The following DLG1 variants were observed in gnomAD, a reference collection of about 807,000 sequenced individuals.
DLG1 encodes discs large MAGUK scaffold protein 1.
A neutral mutation model predicts 123.4 loss-of-function variants in DLG1; 42 were observed. The observed-to-expected ratio is 0.34, with a 90% confidence interval of 0.27 to 0.44. DLG1 has a LOEUF of 0.44. DLG1 is among the 20% of genes least tolerant of loss of function. The pLI, the probability that DLG1 is intolerant of heterozygous loss-of-function variation, is 1.00. For missense variants in DLG1, 942 were observed against 1,082.6 expected (o/e 0.87, Z 1.82); for synonymous variants, 317 against 356.2 (o/e 0.89, Z 1.24).
chr3:197,262,678 A>G (rs1295674153), intron 4 of DLG1, among the ~76,000 whole-genome samples: 1 of 152,198 alleles, frequency 6.6e-6, no homozygotes, highest in African/African-American at 2.4e-5. Flanking sequence ...AGACACTGCC[A>G]GAACTGTATT....
intron 2 of DLG1, 42 bp from the exon 3 acceptor site, chr3:197,296,519 C>T: frequency 6.3e-7 from 1 of 1,589,874 alleles, no homozygotes; most frequent in Non-Finnish European, 8.6e-7. Context: ...TCTCTATTTA[C>T]AAAAAAAGTA....
chr3:197,217,107 A>G (rs1188127148), intron 4 of DLG1, among the ~76,000 whole-genome samples: 2 of 152,246 alleles, frequency 1.3e-5, no homozygotes, highest in South Asian at 2.1e-4. Context: ...GGACTTAATC[A>G]TGCAATTTTT....
At chr3:197,256,252 A>G (rs1756839779) in intron 4 of DLG1, among the ~76,000 whole-genome samples, 1 of 152,270 alleles carries the variant, frequency 6.6e-6, no homozygotes, top group Non-Finnish European at 1.5e-5. Flanking sequence ...TTTGCAGGCC[A>G]TATGCTCACT....
rs200692787 is a variant in DLG1 at position 197,210,245 on chromosome 3, TA to T, written c.319-15657del. 1.8e-3 allele frequency among the ~76,000 whole-genome samples: 187 copies of T among 105,688 alleles called. 7 individuals carry two copies. Among genetic ancestry groups the T allele is most frequent in the South Asian group, 7.6e-3 (21 of 2,764 alleles). The allele number at this position is 105,688 out of a possible 152,430, so 69.3% of individuals were successfully genotyped here. A position where few individuals can be genotyped will look rare whatever the true frequency, so the allele number is the denominator to read the frequency against. ...CCTAAGGATCCACCTTGAGAAGCTA[TA>T]AAAAAAAAAAAAGACTAAGTAAAGT... On this transcript the variant is annotated intron_variant, in intron 4 of 24. Coordinates refer to ENST00000667157, the MANE Select transcript of DLG1 (RefSeq NM_001366207.1).
intron 5 of DLG1, among the ~76,000 whole-genome samples, chr3:197,163,921 T>C (rs765390498): frequency 1.1e-4 from 16 of 152,064 alleles, no homozygotes; most frequent in Non-Finnish European, 1.9e-4. Context: ...AAAGGATAAA[T>C]ATTGCATGAT....
At chr3:197,073,042 C>T (rs1404128681) in intron 18 of DLG1, among the ~76,000 whole-genome samples, 2 of 152,156 alleles carry the variant, frequency 1.3e-5, no homozygotes, top group Admixed American at 1.3e-4. Flanking sequence ...TCTCTCTAAC[C>T]AAGTTTTATC....
intron 4 of DLG1, among the ~76,000 whole-genome samples, chr3:197,195,292 T>TA (rs1412487490): frequency 0.023 from 3,266 of 143,276 alleles, 88 homozygotes; most frequent in African/African-American, 0.066. Context: ...ATCAATGATT[T>TA]AAAAAAAAAA....
intron 4 of DLG1, among the ~76,000 whole-genome samples, chr3:197,254,643 G>A (rs540548982): frequency 6.6e-6 from 1 of 152,072 alleles, no homozygotes; most frequent in East Asian, 1.9e-4. Flanking sequence ...TAAATACACA[G>A]GAAAAGATGT....
chr3:197,159,531 A>T (rs926845047), intron 5 of DLG1, among the ~76,000 whole-genome samples: 2 of 152,200 alleles, frequency 1.3e-5, no homozygotes, highest in African/African-American at 4.8e-5. Context: ...TTTCTAATAC[A>T]TCCTAACGCA....
intron 5 of DLG1, among the ~76,000 whole-genome samples, chr3:197,175,622 C>T (rs1054484669): frequency 4.4e-4 from 67 of 152,310 alleles, no homozygotes; most frequent in African/African-American, 1.6e-3. Context: ...TAAAAATTAA[C>T]ACCTGTATAA....
chr3:197,094,121 TAAGAC>T (rs762425807), intron 14 of DLG1, among the ~76,000 whole-genome samples: 2 of 152,116 alleles, frequency 1.3e-5, no homozygotes, highest in African/African-American at 2.4e-5. Context: ...CACCAACACA[TAAGAC>T]AAGGAGAGCA....
chr3:197,152,440 T>A (rs1195774237), intron 5 of DLG1, among the ~76,000 whole-genome samples: 1 of 147,162 alleles, frequency 6.8e-6, no homozygotes, highest in Non-Finnish European at 1.5e-5. Flanking sequence ...TTTTTTTTTT[T>A]GAGATGGAGT....
intron 24 of DLG1, 57 bp downstream of exon 24, chr3:197,051,520 A>G: frequency 7.0e-7 from 1 of 1,423,780 alleles, no homozygotes. Context: ...GGGTCGGTTC[A>G]CATGGCTTCA....
At chr3:197,228,942 CGTTCAATGCT>C (rs1288951862) in intron 4 of DLG1, among the ~76,000 whole-genome samples, 12 of 152,052 alleles carry the variant, frequency 7.9e-5, no homozygotes, top group Non-Finnish European at 1.6e-4. Flanking sequence ...ATTGGTAGTA[CGTTCAATGCT>C]GTATAGAGAC....
intron 4 of DLG1, among the ~76,000 whole-genome samples, chr3:197,245,010 C>T (rs926821130): frequency 6.6e-6 from 1 of 152,154 alleles, no homozygotes; most frequent in Non-Finnish European, 1.5e-5. Flanking sequence ...GATAAGCCAA[C>T]TTCTTTCTGA....
chr3:197,172,577 G>T (rs1362694406), intron 5 of DLG1, among the ~76,000 whole-genome samples: 1 of 152,074 alleles, frequency 6.6e-6, no homozygotes, highest in African/African-American at 2.4e-5. Flanking sequence ...ACTGTCAAAA[G>T]AAATCAACTT....
In DLG1 at chr3:197,158,498, G is replaced by A. The variant is rs969192353; in HGVS notation, c.484-8702C>T. On this transcript the variant is annotated intron_variant, in intron 5 of 24. Coordinates refer to ENST00000667157, the MANE Select transcript of DLG1 (RefSeq NM_001366207.1). ...AAAAAAAAAAAATTAGCCGGGCGTG[G>A]TGGCACATGCCTGTAATCCCAGCTA... Among the ~76,000 whole-genome samples, 9 of 151,166 alleles carry A rather than the reference G, an allele frequency of 6.0e-5. No individual in the cohort carries two copies. The South Asian group carries it at 1.7e-3, about 28-fold the overall frequency.
chr3:197,222,483 G>GAGA (rs1737652926), intron 4 of DLG1, among the ~76,000 whole-genome samples: 1 of 152,154 alleles, frequency 6.6e-6, no homozygotes, highest in Non-Finnish European at 1.5e-5. Context: ...TTCACCCAGG[G>GAGA]AGAAGTGGGG....
intron 16 of DLG1, among the ~76,000 whole-genome samples, chr3:197,081,912 A>G (rs1306492302): frequency 6.6e-6 from 1 of 152,226 alleles, no homozygotes; most frequent in Non-Finnish European, 1.5e-5. Flanking sequence ...AATGTCATGT[A>G]AATTAAGCTT....
Sources: gnomAD v4.1 joint callset for allele counts (sites outside exome capture counted in the v4.1 genomes callset) on GRCh38, gnomAD v4.1.1 for gene constraint, MANE v1.5 for transcripts, NCBI Gene and HGNC (gene_info 2026-07-23, HGNC 2026-07-21) for gene names.